Variants in VCF1 observed in about 807,000 individuals in gnomAD.
VCF1 encodes VCP nuclear cofactor family member 1.
the VCF1 span, among the ~76,000 whole-genome samples, chr17:73,224,826 A>ACGGCG: frequency 1.8e-4 from 24 of 130,222 alleles, no homozygotes; most frequent in Non-Finnish European, 1.8e-4. Context: ...ACAGCGCAGC[A>ACGGCG]CAGCACAGCA....
the VCF1 span, chr17:73,212,756 A>G: frequency 1.3e-6 from 2 of 1,566,884 alleles, no homozygotes; most frequent in Non-Finnish European, 1.7e-6. Context: ...AATCAAGGCA[A>G]GAACTACAAT....
At chr17:73,219,212 A>G in the VCF1 span, among the ~76,000 whole-genome samples, 36 of 150,306 alleles carry the variant, frequency 2.4e-4, no homozygotes, top group Admixed American at 1.9e-3. Flanking sequence ...AAAAAAAAAA[A>G]ACGACGAAAC....
the VCF1 span, among the ~76,000 whole-genome samples, chr17:73,211,471 A>C: frequency 6.6e-6 from 1 of 151,754 alleles, no homozygotes. Flanking sequence ...AGGGAGGCCG[A>C]GGCAGGAGAT....
chr17:73,215,922 C>T, the VCF1 span, among the ~76,000 whole-genome samples: 296 of 152,080 alleles, frequency 1.9e-3, 1 homozygote, highest in African/African-American at 6.7e-3. Flanking sequence ...AGGGTATGAC[C>T]AATGGGAACA....
At chr17:73,232,306 T>A in the VCF1 span, 16 of 1,576,616 alleles carry the variant, frequency 1.0e-5, no homozygotes, top group Admixed American at 1.7e-5. Context: ...CGCCCCCCCA[T>A]GTCGCTGCCG....
the VCF1 span, among the ~76,000 whole-genome samples, chr17:73,224,989 G>GGA: frequency 1.1e-3 from 169 of 151,332 alleles, no homozygotes; most frequent in African/African-American, 3.9e-3. Context: ...GCACAGCACA[G>GGA]CACAGGACAG....
the VCF1 span, among the ~76,000 whole-genome samples, chr17:73,222,252 C>A: frequency 1.3e-5 from 2 of 150,608 alleles, no homozygotes; most frequent in African/African-American, 4.9e-5. Flanking sequence ...AAATAGTATT[C>A]TAAGGCTCAT....
At chr17:73,216,125 G>T in the VCF1 span, among the ~76,000 whole-genome samples, 1 of 152,072 alleles carries the variant, frequency 6.6e-6, no homozygotes, top group African/African-American at 2.4e-5. Flanking sequence ...TGTGGGAGAT[G>T]AATGAGGTTA....
At chr17:73,223,551 C>T in the VCF1 span, among the ~76,000 whole-genome samples, 1 of 152,052 alleles carries the variant, frequency 6.6e-6, no homozygotes, top group Non-Finnish European at 1.5e-5. Flanking sequence ...AAACACCTCA[C>T]ATATTTCCTA....
the VCF1 span, chr17:73,209,536 A>C: frequency 6.3e-7 from 1 of 1,582,632 alleles, no homozygotes. Context: ...ACATCATGTC[A>C]GAGGCCGCCC....
At chr17:73,229,513 A>ATTTCTCACG in the VCF1 span, 1 of 985,334 alleles carries the variant, frequency 1.0e-6, no homozygotes, top group Non-Finnish European at 1.2e-6. Context: ...ATCACGTTGC[A>ATTTCTCACG]TTATTTCATT....
At chr17:73,223,463 A>C in the VCF1 span, among the ~76,000 whole-genome samples, 1 of 152,266 alleles carries the variant, frequency 6.6e-6, no homozygotes, top group East Asian at 1.9e-4. Flanking sequence ...CTAGGAAAGA[A>C]GAGGCAGATA....
chr17:73,226,027 A>C, the VCF1 span, among the ~76,000 whole-genome samples: 1 of 149,970 alleles, frequency 6.7e-6, no homozygotes, highest in Non-Finnish European at 1.5e-5. Flanking sequence ...TCAGCCTCCC[A>C]AGTAGCTGGG....
the VCF1 span, chr17:73,208,444 C>G: frequency 6.2e-7 from 1 of 1,614,122 alleles, no homozygotes; most frequent in Non-Finnish European, 8.5e-7. Context: ...TCTAGTATGA[C>G]TAAGTAACAT....
the VCF1 span, among the ~76,000 whole-genome samples, chr17:73,218,269 A>C: frequency 1.3e-5 from 2 of 152,238 alleles, no homozygotes; most frequent in African/African-American, 4.8e-5. Flanking sequence ...AGATCTACCA[A>C]TATTGGTGAC....
At chr17:73,227,062 G>A in the VCF1 span, 4 of 886,572 alleles carry the variant, frequency 4.5e-6, no homozygotes, top group South Asian at 7.7e-5. Context: ...AATCAACTAA[G>A]GTCATTTTAA....
At chr17:73,212,901 T>G in the VCF1 span, among the ~76,000 whole-genome samples, 68 of 152,326 alleles carry the variant, frequency 4.5e-4, no homozygotes, top group Admixed American at 3.5e-3. Flanking sequence ...ATAATTTTTT[T>G]TTATTTTTTA....
the VCF1 span, chr17:73,208,655 A>G: frequency 1.6e-6 from 1 of 638,152 alleles, no homozygotes; most frequent in Non-Finnish European, 2.8e-6. Context: ...TTTAGACATC[A>G]GTTCAGGTAG....
At chr17:73,224,131 G>C in the VCF1 span, among the ~76,000 whole-genome samples, 1 of 149,580 alleles carries the variant, frequency 6.7e-6, no homozygotes, top group African/African-American at 2.5e-5. Flanking sequence ...AGGGAAGGAA[G>C]GAAGGGAATT....
Sources: allele counts gnomAD v4.1 joint callset (sites outside exome capture counted in the v4.1 genomes callset), GRCh38; gene constraint gnomAD v4.1.1; transcripts MANE v1.5; gene names NCBI Gene and HGNC (gene_info 2026-07-23, HGNC 2026-07-21).